The following MFSD6 variants were observed in gnomAD, a reference collection of about 807,000 sequenced individuals.
The protein encoded by MFSD6 is major facilitator superfamily domain-containing protein 6.
MFSD6 carries 26 observed loss-of-function variants against 56.3 expected under a neutral mutation model. The observed-to-expected ratio is 0.46, with a 90% CI of 0.34 to 0.64. The LOEUF (loss-of-function observed/expected upper bound fraction) is 0.64. MFSD6 is among the 30% of genes least tolerant of loss of function. The pLI, the probability that MFSD6 is intolerant of heterozygous loss-of-function variation, is 0.01. For synonymous variants in MFSD6, 331 were observed against 366.9 expected, an observed-to-expected ratio of 0.90 and a Z score of 1.12; for missense variants, 750 against 986.2, an observed-to-expected ratio of 0.76 and a Z score of 3.21.
At position 190,425,109 on chromosome 2, in the gene MFSD6, G is replaced by A. The variant is rs896628534; in HGVS notation, c.-54+9696G>A. On this transcript the variant is annotated intron_variant, in intron 2 of 7. Coordinates refer to ENST00000392328, the MANE Select transcript of MFSD6 (RefSeq NM_017694.4). The surrounding 1 kb of genome is among the most constrained non-coding windows in gnomAD (Gnocchi z 4.3). ...TACCCAAGTGTTTCTTTTTTAAGCA[G>A]CTGTAAATGGTATTATAATTTTGGT... is the stretch of plus-strand genomic sequence containing the variant. 1.3e-5 allele frequency among the ~76,000 whole-genome samples: 2 copies of A among 152,066 alleles called. No individual in the cohort carries two copies. The highest frequency in any genetic ancestry group is 2.9e-5 in the Non-Finnish European group (2 of 68,014).
chr2:190,442,422 C>T (rs1686414881), intron 3 of MFSD6, among the ~76,000 whole-genome samples: 1 of 151,948 alleles, frequency 6.6e-6, no homozygotes, highest in Non-Finnish European at 1.5e-5. Context: ...CAGTAGGTAG[C>T]CATAGCAAGG....
chr2:190,497,823 G>A lies in MFSD6; in HGVS notation c.2172+104G>A. ...TTTCATTCAACAAGATTTATTGAAAGTCTGGTGGGGGAAATAGACATGCAA... is the reference window on the plus strand; with the variant it reads ...TTTCATTCAACAAGATTTATTGAAAATCTGGTGGGGGAAATAGACATGCAA... On this transcript the variant is annotated intron_variant, in intron 7 of 7. Coordinates refer to ENST00000392328, the MANE Select transcript of MFSD6 (RefSeq NM_017694.4). This position sits in a 1 kb window ranked among gnomAD's most constrained non-coding sequence, Gnocchi z 5.2. 1 of 1,345,964 alleles carries A rather than the reference G, an allele frequency of 7.4e-7. No individual in the cohort carries two copies. The highest frequency in any genetic ancestry group is 1.5e-5 in the African/African-American group (1 of 68,490). The allele number at this position is 1,345,964 out of a possible 1,614,324, so 83.4% of individuals were successfully genotyped here.
In MFSD6 at chr2:190,437,322, G is replaced by A. The variant is rs1210089973; in HGVS notation, c.1293G>A (p.Gln431=). The part of the protein sequence containing the change: ...EETPTTTSHS[Q]AFNFWDLIKL... ...CACCAACCACCACAAGCCACTCGCAGGCCTTCAACTTTTGGGACTTAATCA... is the reference window on the plus strand; with the variant it reads ...CACCAACCACCACAAGCCACTCGCAAGCCTTCAACTTTTGGGACTTAATCA... Residue 431 remains glutamine (Q), a synonymous_variant, in exon 3 of 8, where the codon CAG becomes CAA. Transcript: ENST00000392328. This position sits in a 1 kb window ranked among gnomAD's most constrained non-coding sequence, Gnocchi z 5.9. 1.9e-6 allele frequency: 3 copies of A among 1,614,116 alleles called. No individual in the cohort carries two copies. The highest frequency in any genetic ancestry group is 1.1e-5 in the South Asian group (1 of 91,080).
intron 4 of MFSD6, among the ~76,000 whole-genome samples, chr2:190,481,882 G>A (rs1172229403): frequency 6.6e-6 from 1 of 152,206 alleles, no homozygotes; most frequent in African/African-American, 2.4e-5. Context: ...TCCGCCATTT[G>A]TGGAAGGTGT....
chr2:190,456,114 T>A lies in MFSD6; in HGVS notation c.1533-13644T>A, dbSNP rs1687026643. On this transcript the variant is annotated intron_variant, in intron 3 of 7. Transcript: ENST00000392328. The surrounding 1 kb of genome is among the most constrained non-coding windows in gnomAD (Gnocchi z 5.4). ...CATCACCATGCCCAGCTAATTTTTATATTTTTAGTAGAGATGGGGTTTCAC... is the reference window on the plus strand; with the variant it reads ...CATCACCATGCCCAGCTAATTTTTAAATTTTTAGTAGAGATGGGGTTTCAC... Among the ~76,000 whole-genome samples the A allele has an allele frequency of 6.6e-6, 1 of 151,868 alleles. No individual in the cohort carries two copies. The highest frequency in any genetic ancestry group is 6.6e-5 in the Admixed American group (1 of 15,240).
chr2:190,471,901 G>A lies in MFSD6; in HGVS notation c.1630+2046G>A, dbSNP rs1687961391. 6.6e-6 allele frequency among the ~76,000 whole-genome samples: 1 copy of A among 152,184 alleles called. No homozygotes were observed. The highest frequency in any genetic ancestry group is 1.5e-5 in the Non-Finnish European group (1 of 68,040). The stretch of plus-strand genomic sequence containing the variant: ...CCCCTCTGAGACAAAACTTCCAGAG[G>A]AACGATCAGGCAGCAATATTTGCTG... On this transcript the variant is annotated intron_variant, in intron 4 of 7. Coordinates refer to ENST00000392328, the MANE Select transcript of MFSD6 (RefSeq NM_017694.4). This position sits in a 1 kb window ranked among gnomAD's most constrained non-coding sequence, Gnocchi z 4.7.
rs1273794856 is a variant in MFSD6, at chr2:190,465,019, G to GT, written c.1533-4738dup. ...ATTACAGAATGACTCATAATTCATT[G>GT]TATCTATATCTTGAACACTCTTGAA... On this transcript the variant is annotated intron_variant, in intron 3 of 7. Coordinates refer to ENST00000392328, the MANE Select transcript of MFSD6 (RefSeq NM_017694.4). This position sits in a 1 kb window ranked among gnomAD's most constrained non-coding sequence, Gnocchi z 4.6. The GT allele has an allele frequency of 4.9e-6, 3 of 610,034 alleles. No homozygotes were observed. The African/African-American group carries it at 6.0e-5, about 12-fold the overall frequency. The allele number at this position is 610,034 out of a possible 1,614,324, so 37.8% of individuals were successfully genotyped here.
At chr2:190,409,774 T>G (rs901802068) in intron 1 of MFSD6, among the ~76,000 whole-genome samples, 14 of 152,158 alleles carry the variant, frequency 9.2e-5, no homozygotes, top group African/African-American at 3.4e-4. Context: ...AAGGATAGGA[T>G]CCTCCTCTTT....
In MFSD6 at chr2:190,418,005, T is replaced by TGTGAGA. The variant is rs1471953262; in HGVS notation, c.-54+2593_-54+2594insTGAGAG. 2.1e-4 allele frequency among the ~76,000 whole-genome samples: 31 copies of TGTGAGA among 150,022 alleles called. No homozygotes were observed. Among genetic ancestry groups the TGTGAGA allele is most frequent in the African/African-American group, 7.1e-4 (29 of 40,898 alleles). Reference sequence around the variant, plus strand: ...GTGTGTGTGTGTGTGTGTGTGTATGTGAGAGAGAGAGAGATGTGGTTTATC... The same window carrying TGTGAGA: ...GTGTGTGTGTGTGTGTGTGTGTATGTGTGAGAGAGAGAGAGAGAGATGTGGTTTATC... On this transcript the variant is annotated intron_variant, in intron 2 of 7. Coordinates refer to ENST00000392328, the MANE Select transcript of MFSD6 (RefSeq NM_017694.4). The surrounding 1 kb of genome is among the most constrained non-coding windows in gnomAD (Gnocchi z 4.1).
At chr2:190,449,747 A>G (rs1686707806) in intron 3 of MFSD6, among the ~76,000 whole-genome samples, 1 of 152,192 alleles carries the variant, frequency 6.6e-6, no homozygotes, top group Non-Finnish European at 1.5e-5. Flanking sequence ...CATCATTCTC[A>G]GTAAACTATC....
At chr2:190,414,116 G>C (rs978085057) in intron 1 of MFSD6, among the ~76,000 whole-genome samples, 1 of 152,108 alleles carries the variant, frequency 6.6e-6, no homozygotes, top group African/African-American at 2.4e-5. Context: ...GGGCCTGTCT[G>C]GGGGGTTGGG....
intron 4 of MFSD6, among the ~76,000 whole-genome samples, chr2:190,477,899 C>T (rs1331716833): frequency 1.3e-5 from 2 of 152,062 alleles, no homozygotes; most frequent in Non-Finnish European, 1.5e-5. Flanking sequence ...TTCTGAAGGG[C>T]GAATAGGAAT....
At chr2:190,472,667 G>T (rs1173986706) in intron 4 of MFSD6, among the ~76,000 whole-genome samples, 1 of 152,170 alleles carries the variant, frequency 6.6e-6, no homozygotes, top group African/African-American at 2.4e-5. Flanking sequence ...CACTCTGCAG[G>T]ATATTATCCA....
In MFSD6 at chr2:190,482,903, T is replaced by TTTTTTTTTTTTTG. The variant is rs544591315; in HGVS notation, c.1631-5754_1631-5753insTTTTTTTTTTTTG. Among the ~76,000 whole-genome samples, 827 of 86,198 alleles carry TTTTTTTTTTTTTG rather than the reference T, an allele frequency of 9.6e-3. 293 individuals are homozygous for TTTTTTTTTTTTTG. The highest frequency in any genetic ancestry group is 0.016 in the East Asian group (39 of 2,440). The allele number at this position is 86,198 out of a possible 152,430, so 56.5% of individuals were successfully genotyped here. A position where few individuals can be genotyped will look rare whatever the true frequency, so the allele number is the denominator to read the frequency against. ...TTTTTTTTTTTTTTTTTTTTTTTTT[T>TTTTTTTTTTTTTG]AGACGGAGTCTCACTCTGTCGCCCA... On this transcript the variant is annotated intron_variant, in intron 4 of 7. Coordinates refer to ENST00000392328, the MANE Select transcript of MFSD6 (RefSeq NM_017694.4).
Position 190,469,742 on chromosome 2 carries a change from T to TTTTA in MFSD6, c.1533-12_1533-9dup. The TTTTA allele has an allele frequency of 2.1e-6, 3 of 1,411,484 alleles. No homozygotes were observed. The allele number at this position is 1,411,484 out of a possible 1,614,324, so 87.4% of individuals were successfully genotyped here. On this transcript the variant is annotated splice_polypyrimidine_tract_variant and intron_variant, in intron 3 of 7. Transcript: ENST00000392328. This position sits in a 1 kb window ranked among gnomAD's most constrained non-coding sequence, Gnocchi z 5.3. ...TGCTTTTTTTTATTTTATTTTTATT[T>TTTTA]TTTATTTTTTTTTAGGGTTCTGTAC...
Position 190,498,913 on chromosome 2 carries a change from G to A in MFSD6, c.2173-1102G>A, listed in dbSNP as rs563552082. 6.6e-6 allele frequency among the ~76,000 whole-genome samples: 1 copy of A among 152,260 alleles called. No homozygotes were observed. Among genetic ancestry groups the A allele is most frequent in the African/African-American group, 2.4e-5 (1 of 41,546 alleles). On this transcript the variant is annotated intron_variant, in intron 7 of 7. Transcript: ENST00000392328. The surrounding 1 kb of genome is among the most constrained non-coding windows in gnomAD (Gnocchi z 5.9). ...GCCTGTAATCCAAGCACTTTGGGAG[G>A]CCGAGGTGGGTGGATCACGAGGTCA...
Position 190,425,828 on chromosome 2 carries a change from T to C in MFSD6, c.-53-10149T>C, listed in dbSNP as rs11695681. Among the ~76,000 whole-genome samples, 33,870 of 152,074 alleles carry C rather than the reference T, an allele frequency of 0.22. 4,839 individuals carry two copies. The highest frequency in any genetic ancestry group is 0.33 in the South Asian group (1,601 of 4,808). On this transcript the variant is annotated intron_variant, in intron 2 of 7. Transcript: ENST00000392328. The surrounding 1 kb of genome is among the most constrained non-coding windows in gnomAD (Gnocchi z 4.3). Reference sequence around the variant, plus strand: ...TTTCTGTTTTTTTGGACAGTCTTTTTTTCTGGATATAGCATTCTGCATTGA... The same window carrying C: ...TTTCTGTTTTTTTGGACAGTCTTTTCTTCTGGATATAGCATTCTGCATTGA...
intron 4 of MFSD6, among the ~76,000 whole-genome samples, chr2:190,482,389 G>A (rs369258207): frequency 6.6e-6 from 1 of 151,546 alleles, no homozygotes; most frequent in African/African-American, 2.4e-5. Context: ...TTGACCTTTC[G>A]GAAGCTTTCC....
chr2:190,449,806 C>T (rs963835729), intron 3 of MFSD6, among the ~76,000 whole-genome samples: 22 of 151,722 alleles, frequency 1.5e-4, no homozygotes, highest in South Asian at 1.0e-3. Flanking sequence ...TAGGTGGGAA[C>T]TGAACAATGA....
Sources: allele counts gnomAD v4.1 joint callset (sites outside exome capture counted in the v4.1 genomes callset), GRCh38; gene constraint gnomAD v4.1.1; non-coding constraint Gnocchi (gnomAD v3.1); transcripts MANE v1.5; gene names NCBI Gene and HGNC (gene_info 2026-07-23, HGNC 2026-07-21).